The following XRCC3 variants were observed in gnomAD, a reference collection of about 807,000 sequenced individuals.
XRCC3 encodes the protein X-ray repair cross complementing 3.
Under a neutral mutation model 29.2 loss-of-function variants are expected in XRCC3, and 34 were observed. That is an observed-to-expected ratio of 1.16 (90% CI 0.88 to 1.55). The LOEUF (loss-of-function observed/expected upper bound fraction) is 1.55, where lower values mean the gene tolerates loss of function less well. Ranked by LOEUF, XRCC3 falls within the 40% of genes most tolerant of loss-of-function variation. XRCC3 has a pLI of 0.00. For missense variants in XRCC3, 463 were observed against 467.6 expected, an observed-to-expected ratio of 0.99 and a Z score of 0.09; for synonymous variants, 223 against 211.3, an observed-to-expected ratio of 1.06 and a Z score of -0.48.
chr14:103,706,871 G>A (rs2151937788), intron 6 of XRCC3, 132 bp downstream of exon 6: 1 of 1,047,880 alleles, frequency 9.5e-7, no homozygotes, highest in Non-Finnish European at 1.4e-6. Flanking sequence ...GGCAATCAGG[G>A]TGAGAAGGAG....
At chr14:103,708,700 T>C in intron 4 of XRCC3, 41 bp from the exon 5 acceptor site, 1 of 1,613,320 alleles carries the variant, frequency 6.2e-7, no homozygotes, top group Admixed American at 1.7e-5. Context: ...TGTCAGACTG[T>C]CACAACGCAG....
chr14:103,700,764 G>A, intron 7 of XRCC3: 2 of 1,509,084 alleles, frequency 1.3e-6, no homozygotes, highest in Non-Finnish European at 1.8e-6. Flanking sequence ...GAAGCAGGCA[G>A]CTGGGCCAGG....
In XRCC3 at chr14:103,699,162, C is replaced by T. The variant is rs1198505342; in HGVS notation, c.792G>A (p.Glu264=). 3 of 1,568,512 alleles carry T rather than the reference C, an allele frequency of 1.9e-6. No homozygotes were observed. In the African/African-American group the frequency reaches 4.1e-5, roughly 21 times the overall value. ...LCINQVTEAM[E]EQGAAHGPLG... ...GCGGCCCGTGTGCTGCGCCCTGCTC[C>T]TCCATGGCCTCTGTCACCTGGAAGA... Residue 264 remains glutamate (E), a synonymous_variant, in exon 9 of 10, where the codon GAG becomes GAA. Transcript: ENST00000555055.
chr14:103,699,243 C>T (rs2082881512), intron 8 of XRCC3, 64 bp from the exon 9 acceptor site: 8 of 1,540,698 alleles, frequency 5.2e-6, no homozygotes, highest in East Asian at 2.4e-5. Context: ...TAGGCACAGG[C>T]TGCTACCCGC....
At chr14:103,700,530 G>A in intron 7 of XRCC3, 1 of 708,568 alleles carries the variant, frequency 1.4e-6, no homozygotes, top group Non-Finnish European at 2.3e-6. Context: ...GCTGCTAAGG[G>A]GCCCCTAGGC....
At chr14:103,705,151 G>A (rs760020995) in intron 6 of XRCC3, 2 of 152,234 alleles carry the variant, frequency 1.3e-5, no homozygotes, top group South Asian at 2.1e-4. Flanking sequence ...GGCCAGGAAC[G>A]TATAAATACT....
intron 4 of XRCC3, chr14:103,709,145 C>G: frequency 3.4e-6 from 1 of 290,170 alleles, no homozygotes; most frequent in Non-Finnish European, 6.7e-6. Flanking sequence ...GGGAGGGTAG[C>G]AGAGCCCAGG....
At chr14:103,700,583 G>A (rs1047212851) in intron 7 of XRCC3, 84 of 1,253,822 alleles carry the variant, frequency 6.7e-5, no homozygotes, top group Non-Finnish European at 8.5e-5. Flanking sequence ...CTGGTGTCAC[G>A]CCCGGAGCTC....
intron 4 of XRCC3, chr14:103,710,137 G>C (rs1051160824): frequency 6.6e-6 from 1 of 152,316 alleles, no homozygotes; most frequent in Non-Finnish European, 1.5e-5. Context: ...TGGGGCCTGA[G>C]TTTTGAGCAT....
chr14:103,706,925 C>A, intron 6 of XRCC3, 78 bp downstream of exon 6: 1 of 1,471,040 alleles, frequency 6.8e-7, no homozygotes, highest in Non-Finnish European at 9.2e-7. Context: ...GCCACTGCCC[C>A]ACCTCAACGG....
chr14:103,699,506 A>G lies in XRCC3; in HGVS notation c.632T>C (p.Val211Ala), dbSNP rs763742114. The G allele has an allele frequency of 1.2e-6, 2 of 1,612,688 alleles. No homozygotes were observed. Among genetic ancestry groups the G allele is most frequent in the African/African-American group, 1.3e-5 (1 of 74,798 alleles). The change falls in exon 8 of 10, where the codon GTC (valine) becomes GCC (alanine). Residue 211 changes from valine to alanine, a missense_variant. Coordinates refer to ENST00000555055, the MANE Select transcript of XRCC3 (RefSeq NM_005432.4). ...GAATGGGGCTGCCACCGAGTCGATG[A>G]CCACCAGGCGAGCCATGCCCCGAGA... is the stretch of plus-strand genomic sequence containing the variant. ...LLSRGMARLV[V>A]IDSVAAPFRC...
chr14:103,710,853 A>AAC (rs71126055), intron 4 of XRCC3, 180 bp downstream of exon 4: 226,903 of 558,524 alleles, frequency 0.41, 20,495 homozygotes, highest in East Asian at 0.52. Context: ...TGTAGTTAAG[A>AAC]ACACACACAC....
rs929648870 is a variant in XRCC3, at chr14:103,698,716, G to C, written c.*82C>G. 16 of 1,301,510 alleles carry C rather than the reference G, an allele frequency of 1.2e-5. No individual in the cohort carries two copies. The highest frequency in any genetic ancestry group is 1.1e-5 in the Non-Finnish European group (10 of 923,686). 80.6% of individuals were successfully genotyped at this position (1,301,510 alleles called of 1,614,324 possible). A position where few individuals can be genotyped will look rare whatever the true frequency, so the allele number is the denominator to read the frequency against. ...TGAACCAGGCTCCCAGCTGTGCCAC[G>C]GCCCAGGCAGACGCGTTTTAAAGGC... is the stretch of plus-strand genomic sequence containing the variant. On this transcript the variant is annotated 3_prime_UTR_variant, in exon 10 of 10. Transcript: ENST00000555055.
chr14:103,699,207 C>T, intron 8 of XRCC3, 28 bp from the exon 9 acceptor site: 1 of 1,550,952 alleles, frequency 6.4e-7, no homozygotes, highest in Non-Finnish European at 8.7e-7. Flanking sequence ...AGGTCAGCTG[C>T]AACGGCTGAG....
intron 4 of XRCC3, chr14:103,709,153 A>G (rs531867121): frequency 3.9e-5 from 11 of 282,338 alleles, no homozygotes; most frequent in South Asian, 1.1e-4. Context: ...AGCAGAGCCC[A>G]GGTCCAAACG....
chr14:103,711,995 C>G (rs1208898702), intron 2 of XRCC3: 3 of 345,778 alleles, frequency 8.7e-6, no homozygotes, highest in Non-Finnish European at 1.1e-5. Context: ...GAGGAAAGGG[C>G]GGGCCGTGGA....
At chr14:103,712,227 G>A (rs1045605884) in intron 2 of XRCC3, 16 of 169,882 alleles carry the variant, frequency 9.4e-5, no homozygotes, top group Non-Finnish European at 1.8e-4. Flanking sequence ...CTTGGCTCCC[G>A]GGCCCCCACA....
At chr14:103,706,225 AGG>A in intron 6 of XRCC3, 1 of 434,400 alleles carries the variant, frequency 2.3e-6, no homozygotes, top group Non-Finnish European at 4.6e-6. Flanking sequence ...GGCAGAGGTG[AGG>A]TTCCCAGCCA....
At chr14:103,706,535 C>T (rs1042867371) in intron 6 of XRCC3, 5 of 404,354 alleles carry the variant, frequency 1.2e-5, no homozygotes, top group Non-Finnish European at 2.0e-5. Flanking sequence ...CAGGCATGCT[C>T]TGAACGCTTT....
Sources: gnomAD v4.1 joint callset for allele counts on GRCh38, gnomAD v4.1.1 for gene constraint, MANE v1.5 for transcripts, NCBI Gene and HGNC (gene_info 2026-07-23, HGNC 2026-07-21) for gene names.